CEP85L: variants seen among roughly 807,000 people sequenced by gnomAD.
CEP85L encodes the protein centrosomal protein of 85 kDa-like.
CEP85L carries 60 observed loss-of-function variants against 100.3 expected under a neutral mutation model. The ratio of observed to expected loss-of-function variants is 0.60; its 90% CI spans 0.49 to 0.74. The LOEUF (loss-of-function observed/expected upper bound fraction) is 0.74, where lower values mean the gene tolerates loss of function less well. Among genes scored for constraint, CEP85L ranks in the 30% least tolerant of loss-of-function variants. The pLI, the probability that CEP85L is intolerant of heterozygous loss-of-function variation, is 0.00. For missense variants in CEP85L, 973 were observed against 936.2 expected (o/e 1.04, Z -0.51); for synonymous variants, 319 against 322.7 (o/e 0.99, Z 0.12).
At chr6:118,631,036 G>T (rs915674423) in intron 2 of CEP85L, among the ~76,000 whole-genome samples, 3 of 152,320 alleles carry the variant, frequency 2.0e-5, no homozygotes, top group African/African-American at 7.2e-5. Context: ...TGCCAAAAAG[G>T]TTGGGGACTG....
intron 1 of CEP85L, among the ~76,000 whole-genome samples, chr6:118,686,801 A>G (rs2114286937): frequency 6.6e-6 from 1 of 152,294 alleles, no homozygotes; most frequent in East Asian, 1.9e-4. Context: ...TCTAGGATCC[A>G]AAACTTCACA....
At chr6:118,639,777 C>T (rs1036372425) in intron 1 of CEP85L, among the ~76,000 whole-genome samples, 1 of 152,160 alleles carries the variant, frequency 6.6e-6, no homozygotes, top group Non-Finnish European at 1.5e-5. Context: ...GTCATTATAA[C>T]CACTGGATAC....
Position 118,511,393 on chromosome 6 carries a change from G to A in CEP85L, c.1162C>T (p.Leu388=). The A allele has an allele frequency of 6.2e-7, 1 of 1,612,176 alleles. No individual in the cohort carries two copies. The highest frequency in any genetic ancestry group is 1.1e-5 in the South Asian group (1 of 90,962). The part of the protein sequence containing the change: ...IDRQKQQITH[L]HERIRDNELR... Reference sequence around the variant, plus strand: ...TCATTATCCCTTATCCTCTCATGCAGGTGGGTAATTTGTTGCTTCTGCCTG... The same window carrying A: ...TCATTATCCCTTATCCTCTCATGCAAGTGGGTAATTTGTTGCTTCTGCCTG... The change falls in exon 5 of 13, where the codon CTG becomes TTG. Residue 388 remains leucine (L), a synonymous_variant. Transcript: ENST00000368491.
intron 2 of CEP85L, among the ~76,000 whole-genome samples, chr6:118,599,270 T>C (rs551125958): frequency 6.6e-6 from 1 of 152,064 alleles, no homozygotes; most frequent in Non-Finnish European, 1.5e-5. Flanking sequence ...TACCCAAAAG[T>C]AAGGAAGTGC....
At chr6:118,668,159 T>C (rs1372671261) in intron 1 of CEP85L, among the ~76,000 whole-genome samples, 1 of 152,216 alleles carries the variant, frequency 6.6e-6, no homozygotes, top group Non-Finnish European at 1.5e-5. Flanking sequence ...TATTATATAC[T>C]GTTCAAGCCA....
At chr6:118,606,768 C>G in intron 2 of CEP85L, among the ~76,000 whole-genome samples, 1 of 152,218 alleles carries the variant, frequency 6.6e-6, no homozygotes, top group East Asian at 1.9e-4. Context: ...GTGTTTTATC[C>G]TGAAGTACCC....
intron 5 of CEP85L, chr6:118,501,706 G>A (rs1775313094): frequency 1.4e-6 from 1 of 691,268 alleles, no homozygotes; most frequent in Admixed American, 2.0e-5. Context: ...AAAAAATTCA[G>A]AGCCTGAAGC....
Position 118,708,831 on chromosome 6 carries a change from G to T in CEP85L, c.-28+1205C>A, listed in dbSNP as rs548658466. On this transcript the variant is annotated intron_variant, in intron 1 of 13. Transcript: ENST00000368488. ...CGAAAGAAAGACTGGTCAAATAGGG[G>T]TTCTAAATCCTGTTAACCTCACTTT... Among the ~76,000 whole-genome samples the T allele has an allele frequency of 2.6e-5, 4 of 152,070 alleles. No individual in the cohort carries two copies. In the South Asian group the frequency reaches 8.3e-4, roughly 32 times the overall value.
At chr6:118,693,814 C>T (rs1220075029) in intron 1 of CEP85L, among the ~76,000 whole-genome samples, 1 of 152,222 alleles carries the variant, frequency 6.6e-6, no homozygotes, top group East Asian at 1.9e-4. Context: ...AGAAACTAGA[C>T]ATTGCTGCTA....
At chr6:118,509,253 A>C (rs1775831922) in intron 5 of CEP85L, among the ~76,000 whole-genome samples, 1 of 152,070 alleles carries the variant, frequency 6.6e-6, no homozygotes, top group Non-Finnish European at 1.5e-5. Flanking sequence ...CCTATTTTTT[A>C]CATGCTTTCG....
In CEP85L at chr6:118,611,234, C is replaced by T. The variant is rs547362594; in HGVS notation, c.232+21219G>A. Among the ~76,000 whole-genome samples the T allele has an allele frequency of 3.0e-4, 45 of 151,980 alleles. 1 individual carries two copies. In the South Asian group the frequency reaches 4.8e-3, roughly 16 times the overall value. On this transcript the variant is annotated intron_variant, in intron 2 of 12. Transcript: ENST00000368491. ...AAACTCTTTTATCATAAATGAGGGA[C>T]GGTAAAGGAATATAAAAACAGGTAA...
intron 2 of CEP85L, among the ~76,000 whole-genome samples, chr6:118,606,776 C>T (rs762704912): frequency 5.3e-5 from 8 of 152,208 alleles, no homozygotes; most frequent in African/African-American, 1.9e-4. Flanking sequence ...TCCTGAAGTA[C>T]CCCTCAACAC....
At chr6:118,532,120 T>C (rs544787987) in intron 3 of CEP85L, among the ~76,000 whole-genome samples, 1 of 152,252 alleles carries the variant, frequency 6.6e-6, no homozygotes, top group Admixed American at 6.5e-5. Context: ...AACAGTAGAC[T>C]GGATAAAGAA....
intron 3 of CEP85L, chr6:118,537,822 T>C: frequency 1.0e-6 from 1 of 985,356 alleles, no homozygotes; most frequent in Non-Finnish European, 1.2e-6. Context: ...TCACTTGCCT[T>C]TGTCTCTGAG....
At chr6:118,695,552 C>T (rs904578402) in intron 1 of CEP85L, among the ~76,000 whole-genome samples, 3 of 152,222 alleles carry the variant, frequency 2.0e-5, no homozygotes, top group Admixed American at 6.5e-5. Context: ...ATTTGCATTT[C>T]TCACAAGTAC....
rs533610091 is a variant in CEP85L, at chr6:118,465,330, C to A, written c.*75G>T. The A allele has an allele frequency of 2.8e-6, 4 of 1,412,326 alleles. No individual in the cohort carries two copies. In the African/African-American group the frequency reaches 4.3e-5, roughly 15 times the overall value. 87.5% of individuals were successfully genotyped at this position (1,412,326 alleles called of 1,614,324 possible). ...CCCTAAGTGCAAGTCATGTCACTTGCAACCTTCCATTATGGCTCCATAACA... is the reference window on the plus strand; with the variant it reads ...CCCTAAGTGCAAGTCATGTCACTTGAAACCTTCCATTATGGCTCCATAACA... On this transcript the variant is annotated 3_prime_UTR_variant, in exon 13 of 13. Transcript: ENST00000368491.
intron 3 of CEP85L, 31 bp from the exon 4 acceptor site, chr6:118,523,951 CTA>C: frequency 1.1e-6 from 1 of 917,860 alleles, no homozygotes; most frequent in East Asian, 2.7e-5. Context: ...AATTAGTATA[CTA>C]AAATATTTAA....
chr6:118,519,432 C>CTGCG (rs1554211546), intron 4 of CEP85L, among the ~76,000 whole-genome samples: 1 of 23,958 alleles, frequency 4.2e-5, no homozygotes, highest in Non-Finnish European at 7.1e-5. Flanking sequence ...GAGCAAAACT[C>CTGCG]TGTGTGTGTG....
At chr6:118,560,864 A>G (rs944736758) in intron 3 of CEP85L, 7 of 152,506 alleles carry the variant, frequency 4.6e-5, no homozygotes, top group Admixed American at 3.9e-4. Flanking sequence ...TTAAGTCTAA[A>G]ATAGTTTACA....
Sources: allele counts gnomAD v4.1 joint callset (sites outside exome capture counted in the v4.1 genomes callset), GRCh38; gene constraint gnomAD v4.1.1; transcripts MANE v1.5; gene names NCBI Gene and HGNC (gene_info 2026-07-23, HGNC 2026-07-21).